The following SMCO3 variants were observed in gnomAD, a reference collection of about 807,000 sequenced individuals.
The protein encoded by SMCO3 is single-pass membrane and coiled-coil domain-containing protein 3.
SMCO3 carries 6 observed loss-of-function variants against 12.0 expected under a neutral mutation model. That is an observed-to-expected ratio of 0.50 (90% CI 0.27 to 0.99). The LOEUF (loss-of-function observed/expected upper bound fraction) is 0.99, where lower values mean the gene tolerates loss of function less well. Among genes scored for constraint, SMCO3 ranks in the 50% least tolerant of loss-of-function variants. SMCO3 has a pLI of 0.11. For synonymous variants in SMCO3, 96 were observed against 96.4 expected (o/e 1.00, Z 0.02); for missense variants, 279 against 265.0 (o/e 1.05, Z -0.37).
intron 1 of SMCO3, among the ~76,000 whole-genome samples, chr12:14,813,842 C>T (rs1950178084): frequency 6.6e-6 from 1 of 152,120 alleles, no homozygotes; most frequent in Non-Finnish European, 1.5e-5. Flanking sequence ...CATCCTTAAT[C>T]CTTCTTAGAA....
chr12:14,809,206 A>C (rs1182217230), intron 1 of SMCO3, among the ~76,000 whole-genome samples: 1 of 152,208 alleles, frequency 6.6e-6, no homozygotes. Context: ...GGTTCTGTCT[A>C]CCTCAAGATA....
chr12:14,805,902 TC>T lies in SMCO3; in HGVS notation c.*100del, dbSNP rs878901658. 97 of 1,169,810 alleles carry T rather than the reference TC, an allele frequency of 8.3e-5. 1 individual carries two copies. In the South Asian group the frequency reaches 1.4e-3, roughly 17 times the overall value. The allele number at this position is 1,169,810 out of a possible 1,614,324, so 72.5% of individuals were successfully genotyped here. On this transcript the variant is annotated 3_prime_UTR_variant, in exon 2 of 2. Coordinates refer to ENST00000316048, the MANE Select transcript of SMCO3 (RefSeq NM_001013698.2). ...CTCCAAATTGTTTATCTTATTTAAG[TC>T]CATATTGGAAGCCTATAGAAAATGA...
rs1451710502 is a variant in SMCO3 at position 14,805,030 on chromosome 12, GGCTTCCATA to G, written c.*964_*972del. Reference sequence around the variant, plus strand: ...CAGAGATTCAGCGGAACCATTAATAGGCTTCCATAGCCTTTGGCGTTTTCTAAAATCAGG... The same window carrying G: ...CAGAGATTCAGCGGAACCATTAATAGGCCTTTGGCGTTTTCTAAAATCAGG... On this transcript the variant is annotated 3_prime_UTR_variant, in exon 2 of 2. Coordinates refer to ENST00000316048, the MANE Select transcript of SMCO3 (RefSeq NM_001013698.2). 19 of 152,220 alleles carry G rather than the reference GGCTTCCATA, an allele frequency of 1.2e-4. No homozygotes were observed. The highest frequency in any genetic ancestry group is 1.2e-3 in the Admixed American group (19 of 15,282). 9.4% of individuals were successfully genotyped at this position (152,220 alleles called of 1,614,324 possible). A position where few individuals can be genotyped will look rare whatever the true frequency, so the allele number is the denominator to read the frequency against.
Position 14,805,888 on chromosome 12 carries a change from T to A in SMCO3, c.*115A>T. On this transcript the variant is annotated 3_prime_UTR_variant, in exon 2 of 2. Coordinates refer to ENST00000316048, the MANE Select transcript of SMCO3 (RefSeq NM_001013698.2). ...TCTCCAGTTTCCCTCTCCAAATTGT[T>A]TATCTTATTTAAGTCCATATTGGAA... 9.3e-7 allele frequency: 1 copy of A among 1,080,848 alleles called. No individual in the cohort carries two copies. Among genetic ancestry groups the A allele is most frequent in the Non-Finnish European group, 1.3e-6 (1 of 751,366 alleles). 67.0% of individuals were successfully genotyped at this position (1,080,848 alleles called of 1,614,324 possible). A position where few individuals can be genotyped will look rare whatever the true frequency, so the allele number is the denominator to read the frequency against.
At position 14,806,484 on chromosome 12, in the gene SMCO3, C is replaced by T; in HGVS notation, c.197G>A (p.Cys66Tyr). Residue 66 changes from cysteine to tyrosine, a missense_variant, in exon 2 of 2, where the codon TGT (cysteine) becomes TAT (tyrosine). Cys to Tyr is a radical substitution (Grantham distance 194). Coordinates refer to ENST00000316048, the MANE Select transcript of SMCO3 (RefSeq NM_001013698.2). The stretch of plus-strand genomic sequence containing the variant: ...CATAATGGCTTGGATGATGAGGTCA[C>T]AGTTTTCTTTGATGGTCCCATCTCT... ...MKRDGTIKENCDLIIQAIMKI... is the reference protein window; with the variant it reads ...MKRDGTIKENYDLIIQAIMKI... The T allele has an allele frequency of 6.2e-7, 1 of 1,614,126 alleles. No individual in the cohort carries two copies. Among genetic ancestry groups the T allele is most frequent in the Non-Finnish European group, 8.5e-7 (1 of 1,180,022 alleles).
In SMCO3 at chr12:14,806,433, A is replaced by T. The variant is rs552576725; in HGVS notation, c.248T>A (p.Val83Asp). 1 of 1,614,138 alleles carries T rather than the reference A, an allele frequency of 6.2e-7. No individual in the cohort carries two copies. Among genetic ancestry groups the T allele is most frequent in the South Asian group, 1.1e-5 (1 of 91,088 alleles). The change falls in exon 2 of 2, where the codon GTT becomes GAT. Residue 83 changes from valine to aspartate, a missense_variant. By Grantham distance (152) the Val-to-Asp change is radical. Transcript: ENST00000316048. ...IMKIQKELQK[V>D]DEALKDKLEP... ...TAGCTTATCTTTTAGTGCTTCATCAACCTTCTGCAATTCCTTTTGGATTTT... is the reference window on the plus strand; with the variant it reads ...TAGCTTATCTTTTAGTGCTTCATCATCCTTCTGCAATTCCTTTTGGATTTT...
At chr12:14,813,943 A>G (rs1950179429) in intron 1 of SMCO3, among the ~76,000 whole-genome samples, 183 bp downstream of exon 1, 2 of 152,158 alleles carry the variant, frequency 1.3e-5, no homozygotes, top group South Asian at 4.1e-4. Context: ...CAGAGAAGGC[A>G]CCAGGAAAGG....
chr12:14,806,298 G>C lies in SMCO3; in HGVS notation c.383C>G (p.Ala128Gly), dbSNP rs755623941. 6.2e-6 allele frequency: 10 copies of C among 1,614,088 alleles called. No homozygotes were observed. In the African/African-American group the frequency reaches 1.3e-4, roughly 22 times the overall value. The change falls in exon 2 of 2, where the codon GCC becomes GGC. Residue 128 changes from alanine (A) to glycine (G), a missense_variant. By Grantham distance (60) the Ala-to-Gly change is moderately conservative. Coordinates refer to ENST00000316048, the MANE Select transcript of SMCO3 (RefSeq NM_001013698.2). ...SVILGEATSA[A>G]SAVAVKLVGS... ...CACAAGTTTAACAGCGACTGCACTGGCTGCAGATGTAGCTTCTCCCAGGAT... is the reference window on the plus strand; with the variant it reads ...CACAAGTTTAACAGCGACTGCACTGCCTGCAGATGTAGCTTCTCCCAGGAT...
At chr12:14,807,673 CTT>C (rs959546618) in intron 1 of SMCO3, among the ~76,000 whole-genome samples, 5 of 152,112 alleles carry the variant, frequency 3.3e-5, no homozygotes, top group African/African-American at 1.2e-4. Context: ...ATTCAAGACT[CTT>C]TGGATTAAAA....
intron 1 of SMCO3, among the ~76,000 whole-genome samples, chr12:14,812,760 C>T (rs1469007097): frequency 6.6e-6 from 1 of 151,754 alleles, no homozygotes; most frequent in Non-Finnish European, 1.5e-5. Context: ...AAAATTTTTA[C>T]AATTTTTATT....
intron 1 of SMCO3, among the ~76,000 whole-genome samples, chr12:14,811,983 T>A (rs1950147002): frequency 6.6e-6 from 1 of 152,228 alleles, no homozygotes; most frequent in Non-Finnish European, 1.5e-5. Flanking sequence ...CATATACACT[T>A]TTTTAAATAG....
intron 1 of SMCO3, among the ~76,000 whole-genome samples, chr12:14,811,220 A>C (rs902160113): frequency 1.3e-5 from 2 of 152,164 alleles, no homozygotes; most frequent in African/African-American, 4.8e-5. Context: ...TATTATTTGA[A>C]TATTTTCTTG....
At chr12:14,810,655 A>G (rs990345628) in intron 1 of SMCO3, among the ~76,000 whole-genome samples, 3 of 152,226 alleles carry the variant, frequency 2.0e-5, no homozygotes, top group African/African-American at 7.2e-5. Context: ...ACTTTAATAT[A>G]TAATATATTG....
At chr12:14,807,252 A>G (rs988955267) in intron 1 of SMCO3, among the ~76,000 whole-genome samples, 1 of 152,206 alleles carries the variant, frequency 6.6e-6, no homozygotes, top group Non-Finnish European at 1.5e-5. Context: ...TGGTGGTGAG[A>G]AATATTCATC....
At chr12:14,807,293 T>C (rs564903070) in intron 1 of SMCO3, among the ~76,000 whole-genome samples, 1 of 152,198 alleles carries the variant, frequency 6.6e-6, no homozygotes, top group Non-Finnish European at 1.5e-5. Flanking sequence ...TTAATAAGCG[T>C]GATTATTTCT....
intron 1 of SMCO3, among the ~76,000 whole-genome samples, chr12:14,809,658 A>G (rs180752365): frequency 4.5e-4 from 68 of 152,336 alleles, no homozygotes; most frequent in African/African-American, 1.5e-3. Flanking sequence ...TAGCTAGAAG[A>G]AAATGGATAA....
chr12:14,808,004 A>G (rs536319666), intron 1 of SMCO3, among the ~76,000 whole-genome samples: 1 of 152,248 alleles, frequency 6.6e-6, no homozygotes, highest in South Asian at 2.1e-4. Flanking sequence ...CATCTCTACT[A>G]AAAATACAAA....
chr12:14,812,894 A>T (rs190066811), intron 1 of SMCO3, among the ~76,000 whole-genome samples: 518 of 152,262 alleles, frequency 3.4e-3, no homozygotes, highest in Non-Finnish European at 5.1e-3. Context: ...CCAGTCAAAG[A>T]TGGTCCTGTT....
At chr12:14,812,172 T>C (rs911228394) in intron 1 of SMCO3, among the ~76,000 whole-genome samples, 12 of 152,100 alleles carry the variant, frequency 7.9e-5, no homozygotes, top group Non-Finnish European at 1.3e-4. Flanking sequence ...TGGCCGGGCG[T>C]GGTGGCTCAC....
Sources: allele counts gnomAD v4.1 joint callset (sites outside exome capture counted in the v4.1 genomes callset), GRCh38; gene constraint gnomAD v4.1.1; transcripts MANE v1.5; gene names NCBI Gene and HGNC (gene_info 2026-07-23, HGNC 2026-07-21).